Variants in RALYL observed in about 807,000 individuals in gnomAD.
RALYL encodes RNA-binding Raly-like protein.
In RALYL, 29 loss-of-function variants were observed where a neutral mutation model predicts 35.1. The observed-to-expected ratio is 0.83, with a 90% CI of 0.61 to 1.13. The LOEUF is 1.13. RALYL is among the 50% of genes most tolerant of loss of function. RALYL has a pLI of 0.00. For missense variants in RALYL, 359 were observed against 360.4 expected (o/e 1.00, Z 0.03); for synonymous variants, 120 against 127.6 (o/e 0.94, Z 0.40).
At chr8:84,462,892 T>C (rs984662323) in intron 1 of RALYL, among the ~76,000 whole-genome samples, 1 of 151,898 alleles carries the variant, frequency 6.6e-6, no homozygotes, top group Non-Finnish European at 1.5e-5. Flanking sequence ...GTGATGATTT[T>C]ATAAAGCAAC....
intron 1 of RALYL, among the ~76,000 whole-genome samples, chr8:84,398,572 C>T (rs1272086527): frequency 6.6e-6 from 1 of 152,028 alleles, no homozygotes; most frequent in Non-Finnish European, 1.5e-5. Context: ...ATCTTTTAAA[C>T]ACTTAGCTCA....
intron 8 of RALYL, among the ~76,000 whole-genome samples, chr8:84,913,025 T>C (rs1270830859): frequency 7.2e-5 from 10 of 138,766 alleles, no homozygotes; most frequent in Non-Finnish European, 1.4e-4. Flanking sequence ...GATGGATGGA[T>C]GGATGGATAG....
chr8:84,699,018 A>ATAGATAGT (rs1420879473), intron 2 of RALYL, among the ~76,000 whole-genome samples: 1 of 150,848 alleles, frequency 6.6e-6, no homozygotes, highest in African/African-American at 2.4e-5. Flanking sequence ...AGATAGATAG[A>ATAGATAGT]TAGATAGATA....
At chr8:84,319,579 G>A (rs932512793) in intron 1 of RALYL, among the ~76,000 whole-genome samples, 7 of 152,018 alleles carry the variant, frequency 4.6e-5, no homozygotes, top group African/African-American at 1.2e-4. Context: ...CAGATGATAC[G>A]CTCAAAGAAC....
chr8:84,343,381 A>G (rs1182260112), intron 1 of RALYL, among the ~76,000 whole-genome samples: 3 of 152,082 alleles, frequency 2.0e-5, no homozygotes, highest in Admixed American at 6.6e-5. Context: ...ACATTTATCA[A>G]TGCTGACATT....
At position 84,920,905 on chromosome 8, in the gene RALYL, A is replaced by G; in HGVS notation, c.870A>G (p.Ile290Met). 1 of 1,430,570 alleles carries G rather than the reference A, an allele frequency of 7.0e-7. No homozygotes were observed. Among genetic ancestry groups the G allele is most frequent in the Non-Finnish European group, 9.3e-7 (1 of 1,073,638 alleles). The allele number at this position is 1,430,570 out of a possible 1,614,324, so 88.6% of individuals were successfully genotyped here. ...TTTTATTTTCTCAGTTTCTACAGATAAAGTGATCTGAAATAACGCATGATG... is the reference window on the plus strand; with the variant it reads ...TTTTATTTTCTCAGTTTCTACAGATGAAGTGATCTGAAATAACGCATGATG... Reference protein sequence around the residue: ...EDGGHELFLQIK With the variant: ...EDGGHELFLQMK The change falls in exon 9 of 9, where the codon ATA becomes ATG. Residue 290 changes from isoleucine (I) to methionine (M), a missense_variant. Ile to Met is a conservative substitution (Grantham distance 10, BLOSUM62 1). Coordinates refer to ENST00000521268, the MANE Select transcript of RALYL (RefSeq NM_173848.7).
At chr8:84,478,867 A>C (rs1485678913) in intron 1 of RALYL, among the ~76,000 whole-genome samples, 1 of 148,696 alleles carries the variant, frequency 6.7e-6, no homozygotes, top group African/African-American at 2.5e-5. Context: ...CGGGCGGATC[A>C]CGAGGTCAGG....
chr8:84,570,080 G>C (rs576848871), intron 2 of RALYL, among the ~76,000 whole-genome samples: 71 of 151,770 alleles, frequency 4.7e-4, no homozygotes, highest in Non-Finnish European at 7.2e-4. Flanking sequence ...GCTCTTTTTT[G>C]CTTCCATGGG....
chr8:84,380,158 T>A lies in RALYL; in HGVS notation c.-23-149141T>A, dbSNP rs1857687618. 2.6e-5 allele frequency among the ~76,000 whole-genome samples: 4 copies of A among 151,882 alleles called. No individual in the cohort carries two copies. The Middle Eastern group carries it at 0.01, about 387-fold the overall frequency. ...ACCTGTGTTGGAATTCTGACTTTCCTTCATTTGATGTGATGCAGATTATTT... is the reference window on the plus strand; with the variant it reads ...ACCTGTGTTGGAATTCTGACTTTCCATCATTTGATGTGATGCAGATTATTT... On this transcript the variant is annotated intron_variant, in intron 1 of 8. Transcript: ENST00000521268.
intron 1 of RALYL, among the ~76,000 whole-genome samples, chr8:84,289,165 C>T (rs186640101): frequency 1.3e-5 from 2 of 152,144 alleles, no homozygotes; most frequent in Middle Eastern, 3.4e-3. Flanking sequence ...TTCCAGCATC[C>T]CACAAAATTG....
intron 1 of RALYL, among the ~76,000 whole-genome samples, chr8:84,397,903 G>A (rs1368325666): frequency 1.3e-5 from 2 of 152,114 alleles, no homozygotes; most frequent in African/African-American, 4.8e-5. Flanking sequence ...TTTGCCATTA[G>A]TTTTGAAACT....
chr8:84,735,598 T>C (rs1847112906), intron 2 of RALYL, among the ~76,000 whole-genome samples: 1 of 151,990 alleles, frequency 6.6e-6, no homozygotes, highest in Non-Finnish European at 1.5e-5. Context: ...TCCATTTCCT[T>C]TCTTAGGCTG....
intron 8 of RALYL, among the ~76,000 whole-genome samples, chr8:84,903,520 A>C (rs1218846874): frequency 6.6e-6 from 1 of 152,146 alleles, no homozygotes; most frequent in African/African-American, 2.4e-5. Flanking sequence ...GACTGAACAC[A>C]CACACATATG....
chr8:84,790,179 T>A (rs890122430), intron 3 of RALYL, among the ~76,000 whole-genome samples: 1 of 152,066 alleles, frequency 6.6e-6, no homozygotes, highest in Non-Finnish European at 1.5e-5. Flanking sequence ...GAATGTTAAT[T>A]GAAAAAAGCA....
intron 1 of RALYL, among the ~76,000 whole-genome samples, chr8:84,321,892 A>G (rs1586266731): frequency 1.3e-5 from 2 of 152,212 alleles, no homozygotes; most frequent in Non-Finnish European, 1.5e-5. Context: ...TTTAGAGAAA[A>G]CAGACATAAG....
intron 1 of RALYL, among the ~76,000 whole-genome samples, chr8:84,514,986 A>T (rs758787125): frequency 2.6e-5 from 4 of 152,208 alleles, no homozygotes; most frequent in African/African-American, 7.2e-5. Flanking sequence ...ATGCCTGCTG[A>T]GTATGCAGTA....
intron 7 of RALYL, among the ~76,000 whole-genome samples, chr8:84,883,303 C>CA (rs977344877): frequency 2.0e-5 from 3 of 151,758 alleles, no homozygotes; most frequent in African/African-American, 4.8e-5. Context: ...TATGTTAATA[C>CA]AAAAAATAGA....
intron 2 of RALYL, among the ~76,000 whole-genome samples, chr8:84,585,340 G>A (rs941584207): frequency 6.6e-6 from 1 of 152,074 alleles, no homozygotes; most frequent in African/African-American, 2.4e-5. Flanking sequence ...ATATTCTTAA[G>A]TGATTGTGTG....
intron 1 of RALYL, among the ~76,000 whole-genome samples, chr8:84,331,489 C>G (rs991200565): frequency 6.6e-6 from 1 of 152,082 alleles, no homozygotes; most frequent in Admixed American, 6.6e-5. Flanking sequence ...AGTCTCTGAA[C>G]TTGGATGCCA....
Sources: allele counts gnomAD v4.1 joint callset (sites outside exome capture counted in the v4.1 genomes callset), GRCh38; gene constraint gnomAD v4.1.1; transcripts MANE v1.5; gene names NCBI Gene and HGNC (gene_info 2026-07-23, HGNC 2026-07-21).